The following WHRN variants were observed in gnomAD, a reference collection of about 807,000 sequenced individuals.
WHRN encodes CASK-interacting protein CIP98.
WHRN carries 41 observed loss-of-function variants against 68.3 expected under a neutral mutation model. The ratio of observed to expected loss-of-function variants is 0.60; its 90% CI spans 0.47 to 0.78. WHRN has a LOEUF of 0.78. WHRN is among the 30% of genes least tolerant of loss of function. The pLI is 0.00. For missense variants in WHRN, 1,243 were observed against 1,244.7 expected (o/e 1.00, Z 0.02); for synonymous variants, 560 against 561.3 (o/e 1.00, Z 0.03).
At chr9:114,482,827 G>A (rs929335512) in intron 1 of WHRN, among the ~76,000 whole-genome samples, 2 of 152,206 alleles carry the variant, frequency 1.3e-5, no homozygotes, top group East Asian at 1.9e-4. Context: ...TAATGCCCTT[G>A]ATGAGAACAC....
At chr9:114,476,288 T>C (rs988877806) in intron 2 of WHRN, among the ~76,000 whole-genome samples, 3 of 152,018 alleles carry the variant, frequency 2.0e-5, no homozygotes, top group Admixed American at 6.6e-5. Context: ...ATATGAGTTA[T>C]TGAGACTCCC....
At chr9:114,403,372 T>G in intron 10 of WHRN, 33 bp from the exon 11 acceptor site, 2 of 1,613,424 alleles carry the variant, frequency 1.2e-6, no homozygotes, top group Non-Finnish European at 1.7e-6. Flanking sequence ...CACTGAGGCC[T>G]TCGCAGTTGG....
chr9:114,404,822 G>A (rs1564114327), intron 9 of WHRN, among the ~76,000 whole-genome samples: 2 of 152,144 alleles, frequency 1.3e-5, no homozygotes, highest in African/African-American at 4.8e-5. Flanking sequence ...GTATAGAATG[G>A]AGCAGTCCAG....
chr9:114,461,455 C>T (rs1026663209), intron 3 of WHRN, among the ~76,000 whole-genome samples: 2 of 152,232 alleles, frequency 1.3e-5, no homozygotes, highest in African/African-American at 4.8e-5. Flanking sequence ...CATCTTTCCA[C>T]ATTAATAACT....
chr9:114,504,630 A>G lies in WHRN; in HGVS notation c.172T>C (p.Phe58Leu), dbSNP rs770751909. 4 of 1,609,490 alleles carry G rather than the reference A, an allele frequency of 2.5e-6. No homozygotes were observed. In the South Asian group the frequency reaches 3.3e-5, roughly 13 times the overall value. The change falls in exon 1 of 12, where the codon TTC (phenylalanine) becomes CTC (leucine). Residue 58 changes from phenylalanine to leucine, a missense_variant. Physicochemically the swap from Phe to Leu is conservative, Grantham distance 22. Transcript: ENST00000362057. ...TGGTAAGCGTTCAGGCAGTGGGTGA[A>G]CTGCTCCCGCTCCGCCTCGCTCAGC... ...ALLSEAEREQFTHCLNAYHAR... is the reference protein window; with the variant it reads ...ALLSEAEREQLTHCLNAYHAR...
At chr9:114,410,027 G>A (rs10759697) in intron 7 of WHRN, among the ~76,000 whole-genome samples, 62,821 of 151,572 alleles carry the variant, frequency 0.41, 13,994 homozygotes, top group Middle Eastern at 0.52. Context: ...CCAACATCAC[G>A]AGCTCATTAC....
At chr9:114,502,839 G>A (rs1844044910) in intron 1 of WHRN, among the ~76,000 whole-genome samples, 1 of 152,144 alleles carries the variant, frequency 6.6e-6, no homozygotes, top group South Asian at 2.1e-4. Context: ...TAAGGCCAAG[G>A]CTAATGGACT....
intron 3 of WHRN, among the ~76,000 whole-genome samples, chr9:114,461,339 AG>A (rs1840229557): frequency 6.6e-6 from 1 of 152,252 alleles, no homozygotes; most frequent in Non-Finnish European, 1.5e-5. Flanking sequence ...TGTCCGGCAT[AG>A]ATGTTTCTCT....
chr9:114,479,296 C>T (rs12003859), intron 1 of WHRN, among the ~76,000 whole-genome samples: 4,666 of 152,278 alleles, frequency 0.031, 105 homozygotes, highest in African/African-American at 0.065. Context: ...TGATAGACAA[C>T]ATCCCACACC....
At chr9:114,407,740 G>C (rs1373815702) in intron 8 of WHRN, among the ~76,000 whole-genome samples, 2 of 152,224 alleles carry the variant, frequency 1.3e-5, no homozygotes, top group South Asian at 2.1e-4. Flanking sequence ...GAAGTCACCA[G>C]AGGCAAGTGA....
intron 1 of WHRN, among the ~76,000 whole-genome samples, chr9:114,491,308 G>A (rs1422452340): frequency 6.6e-6 from 1 of 152,146 alleles, no homozygotes; most frequent in Non-Finnish European, 1.5e-5. Context: ...TGAATTCAAG[G>A]TGGATTAATC....
intron 2 of WHRN, among the ~76,000 whole-genome samples, chr9:114,467,711 G>A (rs1840843394): frequency 6.6e-6 from 1 of 152,150 alleles, no homozygotes; most frequent in Non-Finnish European, 1.5e-5. Context: ...GAGGGAAGCT[G>A]CAGGAACATG....
intron 2 of WHRN, chr9:114,478,345 T>G (rs1428178783): frequency 1.4e-6 from 1 of 718,738 alleles, no homozygotes; most frequent in African/African-American, 1.7e-5. Context: ...TCTTTTATTG[T>G]GGCAGCTTAG....
chr9:114,498,610 G>A (rs544411832), intron 1 of WHRN, among the ~76,000 whole-genome samples: 3 of 152,162 alleles, frequency 2.0e-5, no homozygotes, highest in Admixed American at 6.5e-5. Flanking sequence ...GTCTCAGACC[G>A]CCCCCCAACC....
At chr9:114,503,098 A>G in intron 1 of WHRN, 13 of 982,928 alleles carry the variant, frequency 1.3e-5, no homozygotes, top group Non-Finnish European at 1.6e-5. Context: ...GAGACGGCTC[A>G]AGACTCACCT....
At chr9:114,484,116 T>C (rs1842303733) in intron 1 of WHRN, among the ~76,000 whole-genome samples, 1 of 152,162 alleles carries the variant, frequency 6.6e-6, no homozygotes, top group African/African-American at 2.4e-5. Flanking sequence ...AGAAGGACAA[T>C]TGGAGCATCT....
Position 114,478,654 on chromosome 9 carries a change from G to A in WHRN, c.736C>T (p.Pro246Ser), listed in dbSNP as rs1172603942. 6 of 1,613,620 alleles carry A rather than the reference G, an allele frequency of 3.7e-6. No individual in the cohort carries two copies. The highest frequency in any genetic ancestry group is 5.1e-6 in the Non-Finnish European group (6 of 1,179,960). The change falls in exon 2 of 12, where the codon CCA (proline) becomes TCA (serine). Residue 246 changes from proline (P) to serine (S), a missense_variant. Coordinates refer to ENST00000362057, the MANE Select transcript of WHRN (RefSeq NM_015404.4). Reference protein sequence around the residue: ...WVDPQGRSISPPSGLPQPHGG... With the variant: ...WVDPQGRSISSPSGLPQPHGG... ...TGGGGCTGGGGCAGGCCCGAGGGTG[G>A]GGAGATGCTGCGGCCCTGCGGGTCC...
chr9:114,426,481 C>T, intron 3 of WHRN, 68 bp from the exon 4 acceptor site: 1 of 1,572,082 alleles, frequency 6.4e-7, no homozygotes, highest in East Asian at 2.2e-5. Flanking sequence ...GACTTCACAG[C>T]CCAGATCCCA....
rs971996388 is a variant in WHRN at position 114,495,088 on chromosome 9, A to T, written c.618+9096T>A. Among the ~76,000 whole-genome samples, 6 of 152,218 alleles carry T rather than the reference A, an allele frequency of 3.9e-5. No homozygotes were observed. In the South Asian group the frequency reaches 6.2e-4, roughly 16 times the overall value. On this transcript the variant is annotated intron_variant, in intron 1 of 11. Coordinates refer to ENST00000362057, the MANE Select transcript of WHRN (RefSeq NM_015404.4). ...GAGAGTGAAAGCCTTGCTTCAGAGG[A>T]GGGTATGTTGCTTGCTTGGCCAAGA... is the stretch of plus-strand genomic sequence containing the variant.
Sources: gnomAD v4.1 joint callset for allele counts (sites outside exome capture counted in the v4.1 genomes callset) on GRCh38, gnomAD v4.1.1 for gene constraint, MANE v1.5 for transcripts, NCBI Gene and HGNC (gene_info 2026-07-23, HGNC 2026-07-21) for gene names.